Variants in ITGA1 observed in about 807,000 individuals in gnomAD.
ITGA1 encodes the protein integrin subunit alpha 1.
In ITGA1, 85 loss-of-function variants were observed where a neutral mutation model predicts 145.9. The observed-to-expected ratio is 0.58, with a 90% CI of 0.49 to 0.70. The LOEUF is 0.70. ITGA1 is among the 30% of genes least tolerant of loss of function. The pLI is 0.00. For synonymous variants in ITGA1, 520 were observed against 495.3 expected, an observed-to-expected ratio of 1.05 and a Z score of -0.66; for missense variants, 1,351 against 1,418.7, an observed-to-expected ratio of 0.95 and a Z score of 0.77.
intron 2 of ITGA1, 77 bp from the exon 3 acceptor site, chr5:52,861,370 T>G: frequency 1.2e-6 from 1 of 833,498 alleles, no homozygotes; most frequent in East Asian, 2.4e-5. Context: ...TCAATTATCT[T>G]AAAATCAGTC....
intron 6 of ITGA1, among the ~76,000 whole-genome samples, chr5:52,881,259 G>A (rs999360639): frequency 3.5e-4 from 53 of 152,128 alleles, no homozygotes; most frequent in African/African-American, 1.3e-3. Flanking sequence ...TTTCCTCACA[G>A]CCCTGGCCAT....
At chr5:52,926,531 G>A (rs1227688417) in intron 19 of ITGA1, among the ~76,000 whole-genome samples, 1 of 152,114 alleles carries the variant, frequency 6.6e-6, no homozygotes, top group Non-Finnish European at 1.5e-5. Flanking sequence ...GAACCCGGGA[G>A]GTGGAGGTTG....
Position 52,957,730 on chromosome 5 carries a change from T to G in ITGA1, c.*5279T>G, listed in dbSNP as rs1225527814. On this transcript the variant is annotated 3_prime_UTR_variant, in exon 29 of 29. Transcript: ENST00000282588. ...GGGCCTTGGGTGGTGACATGTTATC[T>G]TTGTTGGTGAGCAGACACTCAGAGA... The G allele has an allele frequency of 1.3e-5, 2 of 152,220 alleles. No individual in the cohort carries two copies. The highest frequency in any genetic ancestry group is 4.8e-5 in the African/African-American group (2 of 41,458). 9.4% of individuals were successfully genotyped at this position (152,220 alleles called of 1,614,324 possible). A position where few individuals can be genotyped will look rare whatever the true frequency, so the allele number is the denominator to read the frequency against.
intron 20 of ITGA1, 94 bp downstream of exon 20, chr5:52,927,758 A>G (rs924829284): frequency 1.2e-6 from 1 of 805,418 alleles, no homozygotes; most frequent in African/African-American, 1.7e-5. Context: ...GTAGTTTAGG[A>G]TAATACGGAT....
intron 6 of ITGA1, among the ~76,000 whole-genome samples, chr5:52,879,957 AT>A (rs1294460076): frequency 6.6e-6 from 1 of 152,220 alleles, no homozygotes. Context: ...CATATGTTCT[AT>A]TATTTTTTAC....
At chr5:52,822,414 C>T (rs1385225835) in intron 1 of ITGA1, among the ~76,000 whole-genome samples, 1 of 152,220 alleles carries the variant, frequency 6.6e-6, no homozygotes, top group Admixed American at 6.5e-5. Flanking sequence ...AGTTGCCTCT[C>T]TTCTTCCTCC....
chr5:52,923,193 A>G (rs564653523), intron 18 of ITGA1, among the ~76,000 whole-genome samples: 1 of 152,294 alleles, frequency 6.6e-6, no homozygotes, highest in East Asian at 1.9e-4. Context: ...GCTCATAAAC[A>G]TGCTTCCTTA....
chr5:52,897,367 A>G (rs1002142566), intron 9 of ITGA1, 88 bp from the exon 10 acceptor site: 35 of 876,390 alleles, frequency 4.0e-5, no homozygotes, highest in South Asian at 1.1e-4. Flanking sequence ...TAAGACCACA[A>G]GCTCTACCAG....
At chr5:52,810,022 A>G (rs1748661252) in intron 1 of ITGA1, among the ~76,000 whole-genome samples, 3 of 139,158 alleles carry the variant, frequency 2.2e-5, no homozygotes. Flanking sequence ...CCTTTGTATA[A>G]TAGTATCCAT....
intron 1 of ITGA1, among the ~76,000 whole-genome samples, chr5:52,818,063 A>G (rs1213347292): frequency 6.6e-6 from 1 of 152,226 alleles, no homozygotes; most frequent in Admixed American, 6.5e-5. Flanking sequence ...TGTAGGACAC[A>G]GTTTGTTGAA....
rs990650745 is a variant in ITGA1 at position 52,915,545 on chromosome 5, G to A, written c.1939G>A (p.Gly647Ser). 64 of 1,613,888 alleles carry A rather than the reference G, an allele frequency of 4.0e-5. No homozygotes were observed. Among genetic ancestry groups the A allele is most frequent in the Non-Finnish European group, 5.4e-5 (64 of 1,179,968 alleles). The part of the protein sequence containing the change: ...IHGEMDLNGD[G>S]LTDVTIGGLG... Reference sequence around the variant, plus strand: ...CGGAGAAATGGATTTAAATGGTGACGGTCTGACAGATGTGACTATTGGGGG... The same window carrying A: ...CGGAGAAATGGATTTAAATGGTGACAGTCTGACAGATGTGACTATTGGGGG... The change falls in exon 15 of 29, where the codon GGT becomes AGT. Residue 647 changes from glycine (G) to serine (S), a missense_variant. Physicochemically the swap from Gly to Ser is moderately conservative, Grantham distance 56. Coordinates refer to ENST00000282588, the MANE Select transcript of ITGA1 (RefSeq NM_181501.2).
chr5:52,946,159 G>A (rs1402401504), intron 27 of ITGA1, among the ~76,000 whole-genome samples: 1 of 152,162 alleles, frequency 6.6e-6, no homozygotes, highest in Admixed American at 6.5e-5. Context: ...TTGTAATTGT[G>A]TGATCTGAGG....
intron 9 of ITGA1, among the ~76,000 whole-genome samples, chr5:52,894,793 CAGAA>C (rs1456131661): frequency 6.6e-6 from 1 of 151,736 alleles, no homozygotes; most frequent in Non-Finnish European, 1.5e-5. Flanking sequence ...TAATAGGAAA[CAGAA>C]AGACAAAATG....
chr5:52,790,942 C>T (rs1043746609), intron 1 of ITGA1, among the ~76,000 whole-genome samples: 9 of 152,124 alleles, frequency 5.9e-5, no homozygotes, highest in African/African-American at 1.4e-4. Context: ...TTTTATACAT[C>T]GAGAAAAGAA....
intron 1 of ITGA1, among the ~76,000 whole-genome samples, chr5:52,844,175 A>T (rs1749299052): frequency 6.6e-6 from 1 of 152,026 alleles, no homozygotes; most frequent in Admixed American, 6.6e-5. Flanking sequence ...GAATGGGAGC[A>T]AGTCTTTTCA....
At chr5:52,878,961 C>CAAAAAAAAA (rs33911483) in intron 6 of ITGA1, among the ~76,000 whole-genome samples, 1 of 130,632 alleles carries the variant, frequency 7.7e-6, no homozygotes. Context: ...GTCTAAGTAC[C>CAAAAAAAAA]AAAAAAAAAA....
intron 1 of ITGA1, among the ~76,000 whole-genome samples, chr5:52,845,411 C>A (rs184392399): frequency 6.6e-6 from 1 of 152,078 alleles, no homozygotes; most frequent in East Asian, 1.9e-4. Flanking sequence ...GCAGGGCTGC[C>A]CTGGGGATCT....
chr5:52,947,808 T>G (rs1388836913), intron 28 of ITGA1, among the ~76,000 whole-genome samples: 1 of 152,166 alleles, frequency 6.6e-6, no homozygotes, highest in Non-Finnish European at 1.5e-5. Context: ...CAATGAAAAC[T>G]GTCTTTTATA....
chr5:52,830,554 G>C (rs1749045373), intron 1 of ITGA1, among the ~76,000 whole-genome samples: 1 of 151,922 alleles, frequency 6.6e-6, no homozygotes, highest in Non-Finnish European at 1.5e-5. Context: ...ACTCCATGTT[G>C]GTAAAAGGTT....
Sources: allele counts gnomAD v4.1 joint callset (sites outside exome capture counted in the v4.1 genomes callset), GRCh38; gene constraint gnomAD v4.1.1; transcripts MANE v1.5; gene names NCBI Gene and HGNC (gene_info 2026-07-23, HGNC 2026-07-21).